The following ADGRF4 variants were observed in gnomAD, a reference collection of about 807,000 sequenced individuals.
ADGRF4 encodes adhesion G protein-coupled receptor F4.
ADGRF4 carries 63 observed loss-of-function variants against 58.5 expected under a neutral mutation model. That is an observed-to-expected ratio of 1.08 (90% CI 0.88 to 1.33). ADGRF4 has a LOEUF of 1.33. Ranked by LOEUF, ADGRF4 falls within the 40% of genes most tolerant of loss-of-function variation. ADGRF4 has a pLI of 0.00. For missense variants in ADGRF4, 931 were observed against 843.9 expected, an observed-to-expected ratio of 1.10 and a Z score of -1.28; for synonymous variants, 313 against 295.4, an observed-to-expected ratio of 1.06 and a Z score of -0.61.
intron 1 of ADGRF4, among the ~76,000 whole-genome samples, chr6:47,702,963 T>G (rs1771622233): frequency 6.6e-6 from 1 of 152,180 alleles, no homozygotes; most frequent in Non-Finnish European, 1.5e-5. Context: ...AGCTTCTTCT[T>G]TAGGTACTGA....
At chr6:47,704,534 A>G (rs1287106525) in intron 1 of ADGRF4, among the ~76,000 whole-genome samples, 1 of 152,100 alleles carries the variant, frequency 6.6e-6, no homozygotes, top group Non-Finnish European at 1.5e-5. Flanking sequence ...GAAGGCTAGC[A>G]AAGAGAAAGG....
chr6:47,700,205 GATCA>G lies in ADGRF4; in HGVS notation c.-17+1412_-17+1415del, dbSNP rs1280379169. On this transcript the variant is annotated intron_variant, in intron 1 of 9. Transcript: ENST00000283303. ...GTGTTTTGCATGAACAGGTTTGCGA[GATCA>G]CACCTTCTGATGCATTCCTTCCTGA... 3.2e-4 allele frequency among the ~76,000 whole-genome samples: 48 copies of G among 151,776 alleles called. 1 individual carries two copies. In the East Asian group the frequency reaches 8.2e-3, roughly 26 times the overall value.
rs1194125478 is a variant in ADGRF4 at position 47,721,955 on chromosome 6, C to G, written c.*750C>G. The stretch of plus-strand genomic sequence containing the variant: ...TGTGTATATGTGTCTTTTAAAAATA[C>G]TATATATAAAGAAGATTCTGGTTGT... On this transcript the variant is annotated 3_prime_UTR_variant, in exon 10 of 10. Transcript: ENST00000283303. 1 of 152,054 alleles carries G rather than the reference C, an allele frequency of 6.6e-6. No homozygotes were observed. The highest frequency in any genetic ancestry group is 1.5e-5 in the Non-Finnish European group (1 of 68,010). The allele number at this position is 152,054 out of a possible 1,614,324, so 9.4% of individuals were successfully genotyped here. A position where few individuals can be genotyped will look rare whatever the true frequency, so the allele number is the denominator to read the frequency against.
chr6:47,720,067 G>T (rs993603876), intron 9 of ADGRF4, among the ~76,000 whole-genome samples: 2 of 152,166 alleles, frequency 1.3e-5, no homozygotes, highest in Non-Finnish European at 2.9e-5. Flanking sequence ...TACCAGAAGG[G>T]CTCTATAATT....
At chr6:47,718,232 A>T (rs1363871622) in intron 8 of ADGRF4, among the ~76,000 whole-genome samples, 157 bp from the exon 9 acceptor site, 2 of 152,230 alleles carry the variant, frequency 1.3e-5, no homozygotes. Context: ...GCTTACACTT[A>T]GATTCAGTGA....
rs376270294 is a variant in ADGRF4, at chr6:47,712,023, C to T, written c.301-334C>T. 3.3e-5 allele frequency among the ~76,000 whole-genome samples: 5 copies of T among 152,316 alleles called. 1 individual carries two copies. The highest frequency in any genetic ancestry group is 6.5e-5 in the Admixed American group (1 of 15,308). ...ATTCTGTGTTTGACCTGCCAACCTC[C>T]CAAATCCACTCCCCCATGAAATTCC... On this transcript the variant is annotated intron_variant, in intron 4 of 9. Transcript: ENST00000283303.
chr6:47,705,093 T>G (rs1318508934), intron 1 of ADGRF4, among the ~76,000 whole-genome samples: 7 of 152,160 alleles, frequency 4.6e-5, no homozygotes, highest in Non-Finnish European at 8.8e-5. Context: ...CACACTTGGC[T>G]AATTTTTTGT....
intron 9 of ADGRF4, among the ~76,000 whole-genome samples, chr6:47,719,206 A>C (rs746973354): frequency 6.6e-6 from 1 of 152,172 alleles, no homozygotes; most frequent in Non-Finnish European, 1.5e-5. Context: ...CATGGAACCA[A>C]AGACACTCTG....
At chr6:47,720,312 G>A (rs752899757) in intron 9 of ADGRF4, among the ~76,000 whole-genome samples, 1 of 152,150 alleles carries the variant, frequency 6.6e-6, no homozygotes, top group Admixed American at 6.5e-5. Flanking sequence ...TGAACCACGA[G>A]GGAAGGCAGT....
intron 1 of ADGRF4, among the ~76,000 whole-genome samples, chr6:47,699,296 T>C (rs1282733721): frequency 6.6e-6 from 1 of 152,284 alleles, no homozygotes; most frequent in South Asian, 2.1e-4. Context: ...AATTCTATGC[T>C]ACTTGAAGGT....
chr6:47,705,069 CA>C (rs1554134363), intron 1 of ADGRF4, among the ~76,000 whole-genome samples: 1 of 152,146 alleles, frequency 6.6e-6, no homozygotes, highest in Non-Finnish European at 1.5e-5. Flanking sequence ...GCTGGGACTA[CA>C]GACGCCTGCC....
chr6:47,713,762 A>C, intron 5 of ADGRF4, 36 bp from the exon 6 acceptor site: 1 of 1,462,152 alleles, frequency 6.8e-7, no homozygotes, highest in South Asian at 1.5e-5. Context: ...ACAATGTGTA[A>C]ATCCTTAGTA....
At position 47,713,962 on chromosome 6, in the gene ADGRF4, C is replaced by T. The variant is rs774312102; in HGVS notation, c.717C>T (p.Phe239=). 6.2e-7 allele frequency: 1 copy of T among 1,605,950 alleles called. No individual in the cohort carries two copies. Among genetic ancestry groups the T allele is most frequent in the Non-Finnish European group, 8.5e-7 (1 of 1,176,204 alleles). ...CTGAGAACATTGTGAATGAACTCTT[C>T]ATTCAGACAAAAGGGTTTCACATCA... ...NNSENIVNEL[F]IQTKGFHINH... Residue 239 remains phenylalanine (F), a synonymous_variant, in exon 6 of 10, where the codon TTC becomes TTT. Coordinates refer to ENST00000283303, the MANE Select transcript of ADGRF4 (RefSeq NM_153838.5).
In ADGRF4 at chr6:47,712,462, C is replaced by T. The variant is rs376128003; in HGVS notation, c.406C>T (p.Arg136Cys). The change falls in exon 5 of 10, where the codon CGT becomes TGT. Residue 136 changes from arginine to cysteine, a missense_variant. Physicochemically the swap from Arg to Cys is radical, Grantham distance 180. Transcript: ENST00000283303. ...CATTGAGAGTGTAGCTCAAGGAATC[C>T]GTAAGAACTGCCCCTTTGATTATGC... ...ETIESVAQGI[R>C]KNCPFDYACI... is the part of the protein sequence containing the mutation. 4.5e-5 allele frequency: 73 copies of T among 1,613,912 alleles called. No homozygotes were observed. The highest frequency in any genetic ancestry group is 4.4e-4 in the African/African-American group (33 of 74,888).
chr6:47,713,693 A>G lies in ADGRF4; in HGVS notation c.553-105A>G, dbSNP rs1771925955. The G allele has an allele frequency of 3.4e-6, 3 of 883,034 alleles. No homozygotes were observed. The South Asian group carries it at 7.7e-5, about 23-fold the overall frequency. 54.7% of individuals were successfully genotyped at this position (883,034 alleles called of 1,614,324 possible). A position where few individuals can be genotyped will look rare whatever the true frequency, so the allele number is the denominator to read the frequency against. ...AGGGAATTTGAAGAGAAATATGCCA[A>G]ATAAGATTGGGTAACCTGATCTTTA... On this transcript the variant is annotated intron_variant, in intron 5 of 9. Coordinates refer to ENST00000283303, the MANE Select transcript of ADGRF4 (RefSeq NM_153838.5).
intron 1 of ADGRF4, among the ~76,000 whole-genome samples, chr6:47,701,364 C>A (rs376899336): frequency 4.6e-5 from 7 of 152,156 alleles, no homozygotes; most frequent in African/African-American, 1.7e-4. Flanking sequence ...GGAGAAGGAA[C>A]CTGCGACGTG....
chr6:47,718,577 T>A (rs1407899342), intron 9 of ADGRF4, 132 bp downstream of exon 9: 1 of 677,726 alleles, frequency 1.5e-6, no homozygotes, highest in East Asian at 2.6e-5. Context: ...GACATCTTTT[T>A]CAAAGAATGG....
chr6:47,704,080 G>C (rs748622656), intron 1 of ADGRF4, among the ~76,000 whole-genome samples: 2 of 147,594 alleles, frequency 1.4e-5, no homozygotes, highest in Non-Finnish European at 3.0e-5. Flanking sequence ...ACGGAGTTTT[G>C]CTCTTGTCAC....
intron 6 of ADGRF4, chr6:47,715,634 T>C (rs2113906674): frequency 1.3e-5 from 2 of 154,822 alleles, no homozygotes; most frequent in South Asian, 4.0e-4. Flanking sequence ...ACCTCTTTCC[T>C]GCTAGTCCCT....
Sources: allele counts gnomAD v4.1 joint callset (sites outside exome capture counted in the v4.1 genomes callset), GRCh38; gene constraint gnomAD v4.1.1; transcripts MANE v1.5; gene names NCBI Gene and HGNC (gene_info 2026-07-23, HGNC 2026-07-21).